MAPK9: variants seen among roughly 807,000 people sequenced by gnomAD.
MAPK9 encodes mitogen-activated protein kinase 9.
A neutral mutation model predicts 57.1 loss-of-function variants in MAPK9; 30 were observed. The observed-to-expected ratio is 0.53, with a 90% confidence interval of 0.39 to 0.71. MAPK9 has a LOEUF of 0.71. Among genes scored for constraint, MAPK9 ranks in the 30% least tolerant of loss-of-function variants. The pLI, the probability that MAPK9 is intolerant of heterozygous loss-of-function variation, is 0.00. For missense variants in MAPK9, 362 were observed against 521.0 expected (o/e 0.69, Z 2.97); for synonymous variants, 155 against 177.0 (o/e 0.88, Z 0.99).
chr5:180,277,949 T>C (rs943608198), intron 2 of MAPK9, among the ~76,000 whole-genome samples: 15 of 152,164 alleles, frequency 9.9e-5, no homozygotes, highest in African/African-American at 2.9e-4. Flanking sequence ...GAACATAAGA[T>C]AGAAGGATAC....
chr5:180,262,712 C>T (rs1242860419), intron 4 of MAPK9, among the ~76,000 whole-genome samples: 1 of 152,160 alleles, frequency 6.6e-6, no homozygotes, highest in Non-Finnish European at 1.5e-5. Context: ...GTTGGGATTA[C>T]AGGCATGAGC....
rs954818534 is a variant in MAPK9, at chr5:180,287,449, G to A, written c.-48+4399C>T. On this transcript the variant is annotated intron_variant, in intron 1 of 11. Coordinates refer to ENST00000452135, the MANE Select transcript of MAPK9 (RefSeq NM_002752.5). ...AAGAGAGATTTGTTGAAAGTGTGCA[G>A]TGATCACACCATTCTCCCATTTGAA... Among the ~76,000 whole-genome samples the A allele has an allele frequency of 1.2e-4, 19 of 152,198 alleles. 1 individual carries two copies. Among genetic ancestry groups the A allele is most frequent in the Non-Finnish European group, 1.5e-5 (1 of 68,034 alleles).
intron 4 of MAPK9, 90 bp downstream of exon 4, chr5:180,264,691 A>G (rs1760343962): frequency 8.0e-7 from 1 of 1,243,258 alleles, no homozygotes; most frequent in Non-Finnish European, 1.1e-6. Flanking sequence ...ATTGCCACCT[A>G]CATTTCCTAA....
chr5:180,277,365 C>T (rs1038064272), intron 2 of MAPK9, among the ~76,000 whole-genome samples: 9 of 152,194 alleles, frequency 5.9e-5, no homozygotes, highest in African/African-American at 2.2e-4. Context: ...TGGTTGGAGG[C>T]TTCCTGTATT....
chr5:180,281,631 A>G (rs1350312757), intron 1 of MAPK9, among the ~76,000 whole-genome samples: 1 of 152,220 alleles, frequency 6.6e-6, no homozygotes, highest in East Asian at 1.9e-4. Flanking sequence ...AGTATCTAAT[A>G]TTTAACGTCA....
chr5:180,238,352 A>G lies in MAPK9; in HGVS notation c.1112T>C (p.Val371Ala), dbSNP rs1263998351. 1.9e-6 allele frequency: 3 copies of G among 1,612,792 alleles called. No individual in the cohort carries two copies. The highest frequency in any genetic ancestry group is 2.5e-6 in the Non-Finnish European group (3 of 1,179,012). Residue 371 changes from valine to alanine, a missense_variant, in exon 11 of 12, where the codon GTT (valine) becomes GCT (alanine). Transcript: ENST00000452135. ...CTAACCTGAAGGCTGATCTTTTACA[A>G]CACCATTCTTGCTTCTTTCTTCCCA... ...MDWEERSKNG[V>A]VKDQPSDAAV... is the part of the protein sequence containing the mutation.
At chr5:180,250,717 GATAAACAT>G (rs1011702802) in intron 5 of MAPK9, among the ~76,000 whole-genome samples, 5 of 152,276 alleles carry the variant, frequency 3.3e-5, no homozygotes, top group African/African-American at 1.2e-4. Flanking sequence ...AGATTTAAAT[GATAAACAT>G]ATAATGTTTA....
At chr5:180,284,428 A>G (rs1762570452) in intron 1 of MAPK9, among the ~76,000 whole-genome samples, 1 of 152,214 alleles carries the variant, frequency 6.6e-6, no homozygotes, top group Non-Finnish European at 1.5e-5. Flanking sequence ...TGAGCAACTC[A>G]AAACTGGGAG....
intron 8 of MAPK9, among the ~76,000 whole-genome samples, chr5:180,241,998 T>A (rs1464614007): frequency 1.3e-5 from 2 of 152,232 alleles, no homozygotes; most frequent in African/African-American, 4.8e-5. Context: ...CTTTTTTTTT[T>A]AATCTACAGA....
chr5:180,270,052 T>C (rs1020812734), intron 2 of MAPK9, among the ~76,000 whole-genome samples: 1 of 152,228 alleles, frequency 6.6e-6, no homozygotes, highest in Non-Finnish European at 1.5e-5. Context: ...TCGTTTCCTG[T>C]TGAAATTCTG....
In MAPK9 at chr5:180,249,120, T is replaced by C. The variant is rs1561794030; in HGVS notation, c.469A>G (p.Ile157Val). The C allele has an allele frequency of 3.7e-6, 6 of 1,609,728 alleles. No homozygotes were observed. Among genetic ancestry groups the C allele is most frequent in the Non-Finnish European group, 5.1e-6 (6 of 1,178,472 alleles). Residue 157 changes from isoleucine (I) to valine (V), a missense_variant, in exon 6 of 12, where the codon ATT (isoleucine) becomes GTT (valine). Transcript: ENST00000452135. ...IIHRDLKPSN[I>V]VVKSDCTLKI... The stretch of plus-strand genomic sequence containing the variant: ...AGGGTGCAGTCTGATTTCACAACAA[T>C]GTTGCTAGGCTTCAAATCCTAGGAA...
intron 2 of MAPK9, among the ~76,000 whole-genome samples, chr5:180,271,130 A>G (rs942758947): frequency 4.6e-5 from 7 of 152,216 alleles, no homozygotes; most frequent in African/African-American, 7.2e-5. Flanking sequence ...TAATGTATAC[A>G]TATTTCAGAA....
chr5:180,278,655 C>T (rs185965831), intron 2 of MAPK9, among the ~76,000 whole-genome samples: 1,827 of 152,124 alleles, frequency 0.012, 24 homozygotes, highest in Non-Finnish European at 0.019. Flanking sequence ...GCTGAGATCG[C>T]GCCACTGCAC....
intron 1 of MAPK9, chr5:180,287,045 A>G (rs573951609): frequency 1.3e-5 from 2 of 152,390 alleles, no homozygotes; most frequent in East Asian, 1.9e-4. Flanking sequence ...CACATCCTGT[A>G]TAACTCCATG....
intron 1 of MAPK9, among the ~76,000 whole-genome samples, chr5:180,287,654 T>A: frequency 6.6e-6 from 1 of 152,140 alleles, no homozygotes; most frequent in East Asian, 1.9e-4. Flanking sequence ...TTGAAATGAC[T>A]TCCCTCCCCT....
chr5:180,247,883 G>A lies in MAPK9; in HGVS notation c.617-373C>T. On this transcript the variant is annotated intron_variant, in intron 6 of 11. Transcript: ENST00000452135. The surrounding 1 kb of genome is among the most constrained non-coding windows in gnomAD (Gnocchi z 4.5). Reference sequence around the variant, plus strand: ...CTCTTCCCGGGAACAGGACTTTATGGAGGACCATTTCTGCCATGATGCACC... The same window carrying A: ...CTCTTCCCGGGAACAGGACTTTATGAAGGACCATTTCTGCCATGATGCACC... 6.2e-7 allele frequency: 1 copy of A among 1,614,110 alleles called. No homozygotes were observed. The highest frequency in any genetic ancestry group is 1.1e-5 in the South Asian group (1 of 91,072).
At chr5:180,264,668 T>G in intron 4 of MAPK9, 113 bp downstream of exon 4, 1 of 945,992 alleles carries the variant, frequency 1.1e-6, no homozygotes, top group Non-Finnish European at 1.5e-6. Context: ...TTATCTGTGA[T>G]GTCACAAAAT....
chr5:180,290,141 G>A (rs1763104268), intron 1 of MAPK9, among the ~76,000 whole-genome samples: 1 of 152,226 alleles, frequency 6.6e-6, no homozygotes, highest in Non-Finnish European at 1.5e-5. Flanking sequence ...TTACTGGCGT[G>A]AGCCATGGCA....
intron 5 of MAPK9, among the ~76,000 whole-genome samples, chr5:180,255,417 G>C (rs1268704945): frequency 6.6e-6 from 1 of 152,068 alleles, no homozygotes; most frequent in Non-Finnish European, 1.5e-5. Context: ...GTGCAAAGGG[G>C]AACAGGGCTG....
Sources: gnomAD v4.1 joint callset for allele counts (sites outside exome capture counted in the v4.1 genomes callset) on GRCh38, gnomAD v4.1.1 for gene constraint, Gnocchi (gnomAD v3.1) non-coding constraint, MANE v1.5 for transcripts, NCBI Gene and HGNC (gene_info 2026-07-23, HGNC 2026-07-21) for gene names.